TRPM7: variants seen among roughly 807,000 people sequenced by gnomAD.
TRPM7 encodes the protein transient receptor potential cation channel subfamily M member 7, also known as LTRPC ion channel family member 7.
TRPM7 carries 134 observed loss-of-function variants against 229.7 expected under a neutral mutation model. The observed-to-expected ratio is 0.58, with a 90% CI of 0.51 to 0.67. The LOEUF (loss-of-function observed/expected upper bound fraction) is 0.67, where lower values mean the gene tolerates loss of function less well. Ranked by LOEUF, TRPM7 falls within the 30% of genes least tolerant of loss-of-function variation. The pLI, the probability that TRPM7 is intolerant of heterozygous loss-of-function variation, is 0.00. For missense variants in TRPM7, 1,901 were observed against 2,210.0 expected, an observed-to-expected ratio of 0.86 and a Z score of 2.80; for synonymous variants, 699 against 715.2, an observed-to-expected ratio of 0.98 and a Z score of 0.36.
At chr15:50,566,886 A>G (rs2053622371) in intron 38 of TRPM7, among the ~76,000 whole-genome samples, 1 of 152,202 alleles carries the variant, frequency 6.6e-6, no homozygotes, top group Non-Finnish European at 1.5e-5. Flanking sequence ...GAAGGTATCA[A>G]TAAAATTGAT....
At chr15:50,582,576 T>C (rs2054473835) in intron 29 of TRPM7, 1 of 152,272 alleles carries the variant, frequency 6.6e-6, no homozygotes, top group Non-Finnish European at 1.5e-5. Context: ...TGTGAATCTC[T>C]TTGTTAACTA....
intron 3 of TRPM7, among the ~76,000 whole-genome samples, 187 bp from the exon 4 acceptor site, chr15:50,649,072 A>G (rs1305419700): frequency 2.0e-5 from 3 of 152,316 alleles, no homozygotes; most frequent in East Asian, 1.9e-4. Flanking sequence ...CTGAAATAGT[A>G]TAATTAGTCT....
intron 1 of TRPM7, among the ~76,000 whole-genome samples, chr15:50,679,021 G>A (rs377108839): frequency 2.6e-5 from 4 of 152,100 alleles, no homozygotes; most frequent in African/African-American, 9.6e-5. Flanking sequence ...CTACAGGTGC[G>A]TGCCACCACG....
At chr15:50,639,218 A>T (rs375927242) in intron 6 of TRPM7, among the ~76,000 whole-genome samples, 1 of 152,236 alleles carries the variant, frequency 6.6e-6, no homozygotes, top group Non-Finnish European at 1.5e-5. Flanking sequence ...AACAGCATTT[A>T]TATTTATGAA....
chr15:50,605,997 C>T (rs2059909048), intron 20 of TRPM7, among the ~76,000 whole-genome samples: 2 of 152,000 alleles, frequency 1.3e-5, no homozygotes, highest in Non-Finnish European at 2.9e-5. Context: ...AGTACAACAC[C>T]TTCTAATTAT....
chr15:50,608,051 T>TTA (rs2059966535), intron 19 of TRPM7, among the ~76,000 whole-genome samples: 1 of 51,344 alleles, frequency 1.9e-5, no homozygotes, highest in African/African-American at 6.7e-5. Context: ...CGAGACTCTG[T>TTA]CAAAAAAAAA....
intron 9 of TRPM7, 25 bp from the exon 10 acceptor site, chr15:50,631,514 T>C (rs1316882673): frequency 4.1e-6 from 6 of 1,478,394 alleles, no homozygotes; most frequent in African/African-American, 1.4e-5. Context: ...ATTTATAACA[T>C]TATGCCTTTA....
intron 1 of TRPM7, among the ~76,000 whole-genome samples, chr15:50,670,808 AAG>A (rs2061970450): frequency 3.0e-5 from 4 of 135,040 alleles, no homozygotes; most frequent in Middle Eastern, 3.7e-3. Flanking sequence ...AAAAAAGAAA[AAG>A]AAAAAAAAAA....
At chr15:50,616,715 C>G (rs2060231501) in intron 13 of TRPM7, among the ~76,000 whole-genome samples, 1 of 150,992 alleles carries the variant, frequency 6.6e-6, no homozygotes, top group Non-Finnish European at 1.5e-5. Flanking sequence ...GGGTCTTGCT[C>G]TGTTGTCCAG....
intron 28 of TRPM7, among the ~76,000 whole-genome samples, chr15:50,584,458 G>A (rs56277600): frequency 0.02 from 3,093 of 152,200 alleles, 121 homozygotes; most frequent in African/African-American, 0.071. Context: ...TGGGAATACA[G>A]AGTGAGAAAA....
At chr15:50,661,423 C>G (rs1321463906) in intron 2 of TRPM7, among the ~76,000 whole-genome samples, 3 of 152,154 alleles carry the variant, frequency 2.0e-5, no homozygotes, top group Non-Finnish European at 2.9e-5. Flanking sequence ...TAATGACAGT[C>G]TTAATGTATT....
At chr15:50,636,696 C>T (rs1056851717) in intron 7 of TRPM7, among the ~76,000 whole-genome samples, 7 of 152,108 alleles carry the variant, frequency 4.6e-5, no homozygotes, top group African/African-American at 1.7e-4. Flanking sequence ...CCCAGGAATA[C>T]AATTTTTAAG....
In TRPM7 at chr15:50,580,572, T is replaced by G. The variant is rs938962972; in HGVS notation, c.4592+302A>C. Among the ~76,000 whole-genome samples the G allele has an allele frequency of 3.3e-5, 5 of 152,284 alleles. No homozygotes were observed. In the East Asian group the frequency reaches 9.6e-4, roughly 29 times the overall value. On this transcript the variant is annotated intron_variant, in intron 30 of 38. Coordinates refer to ENST00000646667, the MANE Select transcript of TRPM7 (RefSeq NM_017672.6). ...TCTCAAACTAGGTCTCTCAACAAAT[T>G]TATTCAGGAATAAGTTAGAAACAGG...
chr15:50,613,501 C>CAAA (rs67505794), intron 15 of TRPM7, among the ~76,000 whole-genome samples: 80 of 62,668 alleles, frequency 1.3e-3, no homozygotes, highest in East Asian at 2.7e-3. Context: ...ACTCCTGTCT[C>CAAA]AAAAAAAAAA....
chr15:50,625,431 GT>G (rs976750653), intron 11 of TRPM7, among the ~76,000 whole-genome samples: 10 of 151,966 alleles, frequency 6.6e-5, no homozygotes, highest in African/African-American at 1.2e-4. Context: ...TATACTTTCT[GT>G]TTTTTTGAGA....
intron 3 of TRPM7, among the ~76,000 whole-genome samples, chr15:50,651,753 C>T (rs963872150): frequency 4.6e-5 from 7 of 151,716 alleles, no homozygotes; most frequent in African/African-American, 9.7e-5. Flanking sequence ...AGCTGGGCGT[C>T]GTGGCAGTCG....
At chr15:50,610,501 G>C (rs919377567) in intron 17 of TRPM7, among the ~76,000 whole-genome samples, 1 of 152,064 alleles carries the variant, frequency 6.6e-6, no homozygotes. Flanking sequence ...GTGGCCTATG[G>C]TTAAACTATT....
At chr15:50,638,701 T>TATGTATGTATGTATGTATGTATGA (rs1473822217) in intron 6 of TRPM7, among the ~76,000 whole-genome samples, 56 of 151,912 alleles carry the variant, frequency 3.7e-4, no homozygotes, top group Admixed American at 1.4e-3. Flanking sequence ...TGTATGTATG[T>TATGTATGTATGTATGTATGTATGA]ATGAGATGGA....
intron 1 of TRPM7, among the ~76,000 whole-genome samples, chr15:50,670,328 T>C (rs1342678773): frequency 6.6e-6 from 1 of 152,108 alleles, no homozygotes; most frequent in Non-Finnish European, 1.5e-5. Flanking sequence ...CTGGGCTGCA[T>C]TCCCAGTAGG....
Sources: gnomAD v4.1 joint callset for allele counts (sites outside exome capture counted in the v4.1 genomes callset) on GRCh38, gnomAD v4.1.1 for gene constraint, MANE v1.5 for transcripts, NCBI Gene and HGNC (gene_info 2026-07-23, HGNC 2026-07-21) for gene names.